Variants in RABGEF1 observed in about 807,000 individuals in gnomAD.
The protein encoded by RABGEF1 is RAB guanine nucleotide exchange factor 1, also known as rab5 GDP/GTP exchange factor.
In RABGEF1, 26 loss-of-function variants were observed where a neutral mutation model predicts 57.3. That is an observed-to-expected ratio of 0.45 (90% CI 0.33 to 0.63). The LOEUF (loss-of-function observed/expected upper bound fraction) is 0.63. Among genes scored for constraint, RABGEF1 ranks in the 20% least tolerant of loss-of-function variants. The pLI is 0.02. For missense variants in RABGEF1, 464 were observed against 607.6 expected (o/e 0.76, Z 2.48); for synonymous variants, 185 against 210.7 (o/e 0.88, Z 1.06).
At chr7:66,663,752 TAAAAATAA>T in the RABGEF1 span, among the ~76,000 whole-genome samples, 11 of 151,062 alleles carry the variant, frequency 7.3e-5, no homozygotes, top group Non-Finnish European at 1.5e-4. Flanking sequence ...AATAAATAAA[TAAAAATAA>T]AAAAATAAAA....
chr7:66,716,389 C>T (rs964144222), intron 2 of RABGEF1, among the ~76,000 whole-genome samples: 6 of 152,086 alleles, frequency 3.9e-5, no homozygotes, highest in Non-Finnish European at 8.8e-5. Flanking sequence ...CACTTGAGGC[C>T]AGGAGTTTGA....
At chr7:66,671,735 T>C in the RABGEF1 span, among the ~76,000 whole-genome samples, 53,467 of 151,528 alleles carry the variant, frequency 0.35, 10,775 homozygotes, top group Non-Finnish European at 0.46. Context: ...GGTGGGAGGA[T>C]TGGTTGAGCC....
intron 7 of RABGEF1, among the ~76,000 whole-genome samples, chr7:66,803,889 A>C (rs1380225649): frequency 7.7e-6 from 1 of 129,822 alleles, no homozygotes; most frequent in East Asian, 2.0e-4. Context: ...ATGCTGTCTC[A>C]AAAAAAAAAA....
chr7:66,787,336 A>ATTTTT (rs973607816), intron 4 of RABGEF1, among the ~76,000 whole-genome samples: 3 of 88,110 alleles, frequency 3.4e-5, no homozygotes, highest in Non-Finnish European at 6.7e-5. Context: ...GCCTGGCCTG[A>ATTTTT]TTTTTTTTTT....
intron 4 of RABGEF1, among the ~76,000 whole-genome samples, chr7:66,792,592 C>G (rs1025487421): frequency 2.0e-5 from 3 of 152,188 alleles, no homozygotes; most frequent in African/African-American, 7.2e-5. Context: ...ACCCTTTTCT[C>G]TTGAAGGAGG....
chr7:66,681,786 C>T (rs1389831073), upstream of RABGEF1, among the ~76,000 whole-genome samples: 1 of 152,200 alleles, frequency 6.6e-6, no homozygotes, highest in Non-Finnish European at 1.5e-5. Context: ...GGCGCAGTGG[C>T]TCCGCTCCAC....
In RABGEF1 at chr7:66,810,052, C is replaced by T. The variant is rs553132756; in HGVS notation, c.*768C>T. 17 of 152,256 alleles carry T rather than the reference C, an allele frequency of 1.1e-4. No homozygotes were observed. Among genetic ancestry groups the T allele is most frequent in the African/African-American group, 4.1e-4 (17 of 41,544 alleles). The allele number at this position is 152,256 out of a possible 1,614,324, so 9.4% of individuals were successfully genotyped here. A position where few individuals can be genotyped will look rare whatever the true frequency, so the allele number is the denominator to read the frequency against. ...TAAACTATGCTTCTAGCTTATTTTT[C>T]CCTCATTCATTCAGCAAATCTCTAT... On this transcript the variant is annotated 3_prime_UTR_variant, in exon 9 of 9. Transcript: ENST00000284957.
At chr7:66,725,478 A>AT (rs1562739897) in intron 2 of RABGEF1, among the ~76,000 whole-genome samples, 1 of 152,094 alleles carries the variant, frequency 6.6e-6, no homozygotes. Context: ...ACTTAGCATC[A>AT]TGTGTTCAGA....
intron 3 of RABGEF1, among the ~76,000 whole-genome samples, chr7:66,778,461 A>G (rs557143434): frequency 8.1e-4 from 124 of 152,320 alleles, no homozygotes; most frequent in African/African-American, 2.9e-3. Context: ...ATAGTGGTTG[A>G]CCAAGCTGAG....
chr7:66,734,972 ATAAAACTC>A (rs1015786613), intron 2 of RABGEF1, among the ~76,000 whole-genome samples: 1 of 152,206 alleles, frequency 6.6e-6, no homozygotes, highest in Non-Finnish European at 1.5e-5. Flanking sequence ...TAGAACATTT[ATAAAACTC>A]CTTAGGAAGT....
At chr7:66,740,037 G>A (rs1344937314), upstream of RABGEF1, 2 of 152,150 alleles carry the variant, frequency 1.3e-5, no homozygotes, top group Non-Finnish European at 2.9e-5. Flanking sequence ...TCAGTGGAGG[G>A]ATCTCTGCAC....
intron 1 of RABGEF1, among the ~76,000 whole-genome samples, chr7:66,763,236 G>A (rs779263753): frequency 6.6e-6 from 1 of 152,074 alleles, no homozygotes; most frequent in Non-Finnish European, 1.5e-5. Context: ...ATTCTGCTGA[G>A]GACCTCAGGA....
At chr7:66,750,140 G>T (rs1446386416) in intron 1 of RABGEF1, among the ~76,000 whole-genome samples, 1 of 152,190 alleles carries the variant, frequency 6.6e-6, no homozygotes, top group East Asian at 1.9e-4. Flanking sequence ...TGAGAATGTA[G>T]ATTTTGTCTG....
intron 1 of RABGEF1, among the ~76,000 whole-genome samples, chr7:66,695,486 G>A (rs1027049204): frequency 3.3e-5 from 5 of 152,334 alleles, no homozygotes; most frequent in African/African-American, 1.2e-4. Flanking sequence ...CACATGTCAG[G>A]GAGGAGGAGC....
intron 8 of RABGEF1, among the ~76,000 whole-genome samples, chr7:66,807,004 C>T (rs186983793): frequency 1.8e-4 from 27 of 152,018 alleles, no homozygotes; most frequent in Non-Finnish European, 2.9e-4. Flanking sequence ...GTTTTGGATT[C>T]AGTTCTTTAT....
intron 1 of RABGEF1, among the ~76,000 whole-genome samples, chr7:66,708,374 G>A (rs1158600199): frequency 6.6e-6 from 1 of 151,442 alleles, no homozygotes; most frequent in African/African-American, 2.4e-5. Context: ...TGCAACCTTC[G>A]CTTCCTGGGT....
At chr7:66,693,034 A>T (rs1275699044) in intron 1 of RABGEF1, among the ~76,000 whole-genome samples, 1 of 152,086 alleles carries the variant, frequency 6.6e-6, no homozygotes, top group Non-Finnish European at 1.5e-5. Flanking sequence ...CTAGCGGGGG[A>T]AAAAAGCAGT....
At chr7:66,757,101 A>G (rs1489058998) in intron 1 of RABGEF1, among the ~76,000 whole-genome samples, 1 of 152,228 alleles carries the variant, frequency 6.6e-6, no homozygotes, top group Non-Finnish European at 1.5e-5. Flanking sequence ...GGCCATTTGT[A>G]GTAAACTTAC....
At chr7:66,767,855 A>G (rs566855931) in intron 1 of RABGEF1, among the ~76,000 whole-genome samples, 2 of 152,166 alleles carry the variant, frequency 1.3e-5, no homozygotes, top group African/African-American at 2.4e-5. Context: ...AGTTTATGGT[A>G]TTTTGTTACT....
Sources: allele counts gnomAD v4.1 joint callset (sites outside exome capture counted in the v4.1 genomes callset), GRCh38; gene constraint gnomAD v4.1.1; transcripts MANE v1.5; gene names NCBI Gene and HGNC (gene_info 2026-07-23, HGNC 2026-07-21).